The following L3MBTL4 variants were observed in gnomAD, a reference collection of about 807,000 sequenced individuals.
L3MBTL4 encodes lethal(3)malignant brain tumor-like protein 4.
A neutral mutation model predicts 84.5 loss-of-function variants in L3MBTL4; 70 were observed. The observed-to-expected ratio is 0.83, with a 90% CI of 0.68 to 1.01. The LOEUF (loss-of-function observed/expected upper bound fraction) is 1.01. L3MBTL4 is among the 50% of genes least tolerant of loss of function. The pLI is 0.00. For synonymous variants in L3MBTL4, 274 were observed against 259.8 expected, an observed-to-expected ratio of 1.05 and a Z score of -0.52; for missense variants, 715 against 754.8, an observed-to-expected ratio of 0.95 and a Z score of 0.62.
chr18:6,343,229 A>G (rs527361069), intron 1 of L3MBTL4, among the ~76,000 whole-genome samples: 1 of 152,348 alleles, frequency 6.6e-6, no homozygotes, highest in South Asian at 2.1e-4. Flanking sequence ...CAGCAACACT[A>G]TAAACCAAAT....
chr18:6,117,457 T>C (rs2059393303), intron 14 of L3MBTL4, among the ~76,000 whole-genome samples: 1 of 152,210 alleles, frequency 6.6e-6, no homozygotes, highest in Admixed American at 6.5e-5. Flanking sequence ...AACACGGCTC[T>C]AAGCTGCCAA....
At chr18:6,174,989 A>G (rs986182229) in intron 12 of L3MBTL4, among the ~76,000 whole-genome samples, 36 of 152,270 alleles carry the variant, frequency 2.4e-4, no homozygotes, top group African/African-American at 8.7e-4. Context: ...TGGAGCAGGA[A>G]TAGTGGTCAA....
intron 1 of L3MBTL4, among the ~76,000 whole-genome samples, chr18:6,345,676 A>G (rs2052862362): frequency 6.6e-6 from 1 of 152,218 alleles, no homozygotes; most frequent in African/African-American, 2.4e-5. Flanking sequence ...ATTAAAGTAG[A>G]CACAAATACA....
In L3MBTL4 at chr18:6,056,548, T is replaced by C. The variant is rs117354154; in HGVS notation, c.1444+24333A>G. 7.7e-3 allele frequency among the ~76,000 whole-genome samples: 1,167 copies of C among 152,276 alleles called. 9 individuals are homozygous for C. The highest frequency in any genetic ancestry group is 0.013 in the Non-Finnish European group (892 of 68,036). The stretch of plus-strand genomic sequence containing the variant: ...GCCTTATTTTTAATGCCCTTTCTTA[T>C]GCACTCAGCTGCTTTGAGAGGTAGA... On this transcript the variant is annotated intron_variant, in intron 16 of 18. Transcript: ENST00000317931.
At chr18:6,045,148 A>G (rs2056560515) in intron 16 of L3MBTL4, among the ~76,000 whole-genome samples, 1 of 152,218 alleles carries the variant, frequency 6.6e-6, no homozygotes. Flanking sequence ...GCACCAGATC[A>G]TATACAGAGG....
chr18:6,134,168 T>A (rs529139218), intron 14 of L3MBTL4, among the ~76,000 whole-genome samples: 29 of 152,090 alleles, frequency 1.9e-4, no homozygotes, highest in African/African-American at 6.7e-4. Context: ...GATAAACCCA[T>A]CAGATATCGT....
At chr18:6,248,120 C>T (rs943436329) in intron 5 of L3MBTL4, among the ~76,000 whole-genome samples, 3 of 152,084 alleles carry the variant, frequency 2.0e-5, no homozygotes, top group African/African-American at 7.2e-5. Context: ...ACTAATCCCC[C>T]CCCAAAAGGT....
intron 14 of L3MBTL4, among the ~76,000 whole-genome samples, chr18:6,115,701 T>C (rs2144192955): frequency 6.6e-6 from 1 of 152,290 alleles, no homozygotes; most frequent in African/African-American, 2.4e-5. Context: ...CAAGGAGGGT[T>C]TACAGAGTAA....
intron 1 of L3MBTL4, among the ~76,000 whole-genome samples, chr18:6,319,378 A>T (rs1011138077): frequency 2.0e-5 from 3 of 152,104 alleles, no homozygotes; most frequent in Admixed American, 6.6e-5. Context: ...TATTAGCTAG[A>T]TTAACCAAAA....
At chr18:6,004,145 G>GA (rs574021390) in intron 16 of L3MBTL4, among the ~76,000 whole-genome samples, 1 of 151,548 alleles carries the variant, frequency 6.6e-6, no homozygotes, top group African/African-American at 2.4e-5. Context: ...GATTGACTAA[G>GA]AAAAAAAACG....
intron 12 of L3MBTL4, among the ~76,000 whole-genome samples, chr18:6,202,637 A>G (rs1238498236): frequency 1.3e-5 from 2 of 152,124 alleles, no homozygotes; most frequent in African/African-American, 4.8e-5. Context: ...GTCTGGAGTT[A>G]GTGTCCATTG....
At chr18:6,134,533 T>C (rs1366647898) in intron 14 of L3MBTL4, among the ~76,000 whole-genome samples, 1 of 152,074 alleles carries the variant, frequency 6.6e-6, no homozygotes, top group African/African-American at 2.4e-5. Flanking sequence ...ACAATGGGGG[T>C]ACAGGTACTG....
intron 14 of L3MBTL4, among the ~76,000 whole-genome samples, chr18:6,105,550 G>A (rs1040244121): frequency 5.3e-5 from 8 of 151,720 alleles, no homozygotes; most frequent in Admixed American, 4.6e-4. Context: ...TGTAATCTCA[G>A]CACTTTGGGA....
intron 4 of L3MBTL4, among the ~76,000 whole-genome samples, chr18:6,287,502 T>G (rs1282085934): frequency 6.6e-6 from 1 of 152,210 alleles, no homozygotes; most frequent in Non-Finnish European, 1.5e-5. Flanking sequence ...TCTGGCATAC[T>G]ATACAAGCAA....
At chr18:6,165,217 A>C (rs2043584008) in intron 13 of L3MBTL4, among the ~76,000 whole-genome samples, 1 of 152,220 alleles carries the variant, frequency 6.6e-6, no homozygotes, top group Non-Finnish European at 1.5e-5. Flanking sequence ...GGTGTACCTG[A>C]AAGTGACGGG....
At chr18:6,289,079 A>C (rs1293781523) in intron 4 of L3MBTL4, among the ~76,000 whole-genome samples, 1 of 152,014 alleles carries the variant, frequency 6.6e-6, no homozygotes, top group Non-Finnish European at 1.5e-5. Context: ...TCCTAAGATA[A>C]AATGATTGGT....
intron 15 of L3MBTL4, among the ~76,000 whole-genome samples, chr18:6,091,641 C>T (rs967432778): frequency 4.6e-5 from 7 of 152,162 alleles, no homozygotes; most frequent in African/African-American, 7.2e-5. Context: ...AAAGGCTAAA[C>T]TCCTAAGAGG....
At chr18:6,095,355 T>G (rs2058600414) in intron 14 of L3MBTL4, among the ~76,000 whole-genome samples, 1 of 147,836 alleles carries the variant, frequency 6.8e-6, no homozygotes, top group African/African-American at 2.6e-5. Context: ...GGTTTTTTTT[T>G]TTTTTTTTTT....
chr18:6,096,068 G>T (rs2058634507), intron 14 of L3MBTL4, among the ~76,000 whole-genome samples: 1 of 151,972 alleles, frequency 6.6e-6, no homozygotes. Context: ...TTATAACCAT[G>T]AATTTTTTTT....
Sources: gnomAD v4.1 joint callset for allele counts (sites outside exome capture counted in the v4.1 genomes callset) on GRCh38, gnomAD v4.1.1 for gene constraint, MANE v1.5 for transcripts, NCBI Gene and HGNC (gene_info 2026-07-23, HGNC 2026-07-21) for gene names.